Variants in PCCB observed in about 807,000 individuals in gnomAD.
The protein encoded by PCCB is propionyl-CoA carboxylase beta chain, mitochondrial.
In PCCB, 43 loss-of-function variants were observed where a neutral mutation model predicts 60.7. The ratio of observed to expected loss-of-function variants is 0.71; its 90% confidence interval spans 0.55 to 0.91. PCCB has a LOEUF of 0.91. Among genes scored for constraint, PCCB ranks in the 40% least tolerant of loss-of-function variants. PCCB has a pLI of 0.00. For synonymous variants in PCCB, 276 were observed against 255.9 expected (o/e 1.08, Z -0.75); for missense variants, 766 against 702.8 (o/e 1.09, Z -1.02).
In PCCB at chr3:136,275,691, G is replaced by T. The variant is rs574169529; in HGVS notation, c.544-8146G>T. Among the ~76,000 whole-genome samples the T allele has an allele frequency of 2.0e-5, 3 of 152,118 alleles. No homozygotes were observed. The East Asian group carries it at 5.8e-4, about 29-fold the overall frequency. On this transcript the variant is annotated intron_variant, in intron 5 of 14. Coordinates refer to ENST00000251654, the MANE Select transcript of PCCB (RefSeq NM_000532.5). ...CTAATGTGATTCTTAATGCTTTTAG[G>T]GGGAAGACTGTATGAGTTCCTTGGC...
chr3:136,319,312 A>G (rs1366679596), intron 10 of PCCB, among the ~76,000 whole-genome samples: 1 of 150,124 alleles, frequency 6.7e-6, no homozygotes, highest in Non-Finnish European at 1.5e-5. Context: ...AAACTCTTAC[A>G]TTTGACTTAC....
intron 3 of PCCB, among the ~76,000 whole-genome samples, chr3:136,257,792 T>C (rs1318507679): frequency 2.6e-5 from 4 of 151,872 alleles, no homozygotes; most frequent in African/African-American, 9.7e-5. Flanking sequence ...AAAAATTAGC[T>C]GGGTGTTGTG....
At chr3:136,310,035 C>T (rs1194450798) in intron 9 of PCCB, among the ~76,000 whole-genome samples, 10 of 151,974 alleles carry the variant, frequency 6.6e-5, no homozygotes, top group Admixed American at 6.6e-4. Flanking sequence ...AATTTGAGAC[C>T]AGCCTGGGCA....
intron 10 of PCCB, among the ~76,000 whole-genome samples, chr3:136,320,856 A>G (rs772941167): frequency 2.0e-5 from 3 of 152,058 alleles, no homozygotes; most frequent in South Asian, 2.1e-4. Context: ...TTTCTTGTAC[A>G]TTGTTGAATT....
At chr3:136,280,844 A>G (rs1351360285) in intron 5 of PCCB, among the ~76,000 whole-genome samples, 2 of 152,162 alleles carry the variant, frequency 1.3e-5, no homozygotes, top group Non-Finnish European at 2.9e-5. Flanking sequence ...TGTAGAGATC[A>G]GGGCTCACTA....
At chr3:136,323,179 TA>T (rs1935170016) in intron 10 of PCCB, among the ~76,000 whole-genome samples, 1 of 152,170 alleles carries the variant, frequency 6.6e-6, no homozygotes, top group African/African-American at 2.4e-5. Flanking sequence ...TTCATCAGAT[TA>T]TCTCCTTGCC....
intron 1 of PCCB, among the ~76,000 whole-genome samples, chr3:136,255,087 G>T (rs1410872274): frequency 6.6e-6 from 1 of 151,826 alleles, no homozygotes; most frequent in East Asian, 1.9e-4. Flanking sequence ...TGTTGGTCAG[G>T]CTGGTCTCGA....
At chr3:136,283,357 A>C (rs913251120) in intron 5 of PCCB, among the ~76,000 whole-genome samples, 6 of 152,064 alleles carry the variant, frequency 3.9e-5, no homozygotes, top group Non-Finnish European at 1.5e-5. Flanking sequence ...CTGGGTACTC[A>C]GTGTCAAGAA....
intron 10 of PCCB, chr3:136,326,280 G>A (rs938100472): frequency 1.4e-6 from 1 of 699,518 alleles, no homozygotes; most frequent in African/African-American, 1.8e-5. Flanking sequence ...CTTCTAGGAG[G>A]GGAGATTTAC....
At chr3:136,308,381 A>G (rs1415399547) in intron 9 of PCCB, among the ~76,000 whole-genome samples, 5 of 152,082 alleles carry the variant, frequency 3.3e-5, no homozygotes, top group Admixed American at 2.0e-4. Flanking sequence ...TTCAACTGCT[A>G]AAAGCCATAG....
At position 136,260,223 on chromosome 3, in the gene PCCB, G is replaced by A. The variant is rs146324861; in HGVS notation, c.373-256G>A. The A allele has an allele frequency of 3.2e-4, 168 of 520,958 alleles. 1 individual carries two copies. In the East Asian group the frequency reaches 6.0e-3, roughly 19 times the overall value. 32.3% of individuals were successfully genotyped at this position (520,958 alleles called of 1,614,324 possible). A position where few individuals can be genotyped will look rare whatever the true frequency, so the allele number is the denominator to read the frequency against. On this transcript the variant is annotated intron_variant, in intron 3 of 14. Transcript: ENST00000251654. ...CGAGTAGCTGGGATTCCAGGCATGT[G>A]CCACCATGCGCAGCTAACTTTTTTC...
intron 8 of PCCB, among the ~76,000 whole-genome samples, chr3:136,300,012 G>A (rs1473891024): frequency 6.6e-6 from 1 of 151,690 alleles, no homozygotes; most frequent in Non-Finnish European, 1.5e-5. Context: ...CCACACATAT[G>A]CATGTGTACA....
chr3:136,292,555 G>A (rs1253882448), intron 6 of PCCB, among the ~76,000 whole-genome samples: 1 of 152,134 alleles, frequency 6.6e-6, no homozygotes, highest in Non-Finnish European at 1.5e-5. Flanking sequence ...ATTGGTGAAA[G>A]TTATGATACA....
At chr3:136,310,471 A>G (rs1282747092) in intron 9 of PCCB, among the ~76,000 whole-genome samples, 1 of 152,118 alleles carries the variant, frequency 6.6e-6, no homozygotes, top group East Asian at 1.9e-4. Flanking sequence ...GCAGTTAACC[A>G]TGTTTGTGCC....
At chr3:136,285,563 T>C (rs532338635) in intron 6 of PCCB, among the ~76,000 whole-genome samples, 3 of 152,294 alleles carry the variant, frequency 2.0e-5, no homozygotes, top group Admixed American at 2.0e-4. Flanking sequence ...TTTTTTTTTT[T>C]TAAGGTCCTC....
In PCCB at chr3:136,301,176, G is replaced by C. The variant is rs1184679257; in HGVS notation, c.966+65G>C. The C allele has an allele frequency of 3.1e-6, 4 of 1,305,146 alleles. No individual in the cohort carries two copies. In the African/African-American group the frequency reaches 4.3e-5, roughly 14 times the overall value. 80.8% of individuals were successfully genotyped at this position (1,305,146 alleles called of 1,614,324 possible). On this transcript the variant is annotated intron_variant, in intron 9 of 14. Coordinates refer to ENST00000251654, the MANE Select transcript of PCCB (RefSeq NM_000532.5). ...CCACATTCATGGGCATTGTGCTTCGGCTTAGTGAGGAAGCACTGGACCACT... is the reference window on the plus strand; with the variant it reads ...CCACATTCATGGGCATTGTGCTTCGCCTTAGTGAGGAAGCACTGGACCACT...
At chr3:136,261,090 G>A (rs529539351) in intron 4 of PCCB, among the ~76,000 whole-genome samples, 3 of 152,126 alleles carry the variant, frequency 2.0e-5, no homozygotes, top group South Asian at 4.2e-4. Flanking sequence ...ATGGACTCCC[G>A]TTCACAGATC....
chr3:136,296,524 TG>T, intron 7 of PCCB, among the ~76,000 whole-genome samples: 1 of 152,362 alleles, frequency 6.6e-6, no homozygotes, highest in South Asian at 2.1e-4. Flanking sequence ...TAATAGACAC[TG>T]GGTCATTTCC....
intron 5 of PCCB, among the ~76,000 whole-genome samples, chr3:136,273,590 C>CTTTTTTTTTTTTTT (rs1942257481): frequency 2.1e-4 from 14 of 65,622 alleles, no homozygotes; most frequent in Non-Finnish European, 3.2e-4. Flanking sequence ...TTTTTTTTTT[C>CTTTTTTTTTTTTTT]TTTTTTCTTT....
Sources: allele counts gnomAD v4.1 joint callset (sites outside exome capture counted in the v4.1 genomes callset), GRCh38; gene constraint gnomAD v4.1.1; transcripts MANE v1.5; gene names NCBI Gene and HGNC (gene_info 2026-07-23, HGNC 2026-07-21).